TWSG1: variants seen among roughly 807,000 people sequenced by gnomAD.
The protein encoded by TWSG1 is twisted gastrulation BMP signaling modulator 1.
Under a neutral mutation model 23.0 loss-of-function variants are expected in TWSG1, and 15 were observed. That is an observed-to-expected ratio of 0.65 (90% confidence interval 0.44 to 1.00). TWSG1 has a LOEUF of 1.00. Ranked by LOEUF, TWSG1 falls within the 50% of genes least tolerant of loss-of-function variation. TWSG1 has a pLI of 0.00. For missense variants in TWSG1, 242 were observed against 278.7 expected (o/e 0.87, Z 0.94); for synonymous variants, 86 against 92.8 (o/e 0.93, Z 0.42).
chr18:9,390,475 T>A (rs1598835158), intron 3 of TWSG1, among the ~76,000 whole-genome samples: 2 of 152,154 alleles, frequency 1.3e-5, no homozygotes, highest in African/African-American at 4.8e-5. Flanking sequence ...TTCTTCTTTT[T>A]TTAAATAGAG....
intron 2 of TWSG1, among the ~76,000 whole-genome samples, chr18:9,358,432 C>T (rs540284268): frequency 6.2e-4 from 94 of 152,118 alleles, no homozygotes; most frequent in African/African-American, 2.2e-3. Flanking sequence ...TATTTGTAGC[C>T]AGAGAGAAGA....
chr18:9,384,424 T>C (rs1472527584), intron 3 of TWSG1, among the ~76,000 whole-genome samples: 1 of 152,200 alleles, frequency 6.6e-6, no homozygotes, highest in East Asian at 1.9e-4. Context: ...CAGGTAATGG[T>C]TGATCACATT....
chr18:9,353,111 C>T (rs916210559), intron 2 of TWSG1, among the ~76,000 whole-genome samples: 2 of 152,068 alleles, frequency 1.3e-5, no homozygotes, highest in Non-Finnish European at 2.9e-5. Context: ...AGGTTTGTAG[C>T]CTAGGAACAA....
At chr18:9,354,802 GTTCT>G (rs1423755770) in intron 2 of TWSG1, among the ~76,000 whole-genome samples, 5 of 152,026 alleles carry the variant, frequency 3.3e-5, no homozygotes, top group Non-Finnish European at 7.4e-5. Flanking sequence ...GGAATTTAGG[GTTCT>G]TTCTTTCTAC....
intron 1 of TWSG1, among the ~76,000 whole-genome samples, chr18:9,335,898 A>G (rs2040420712): frequency 6.6e-6 from 1 of 152,206 alleles, no homozygotes; most frequent in African/African-American, 2.4e-5. Flanking sequence ...TTACGTCAGT[A>G]GTCATTTATT....
intron 3 of TWSG1, among the ~76,000 whole-genome samples, chr18:9,377,006 C>T (rs1321329747): frequency 6.6e-6 from 1 of 151,814 alleles, no homozygotes; most frequent in Admixed American, 6.6e-5. Flanking sequence ...GAGATTATTT[C>T]AAGTATTCAC....
At chr18:9,357,495 A>G (rs186781549) in intron 2 of TWSG1, among the ~76,000 whole-genome samples, 28 of 152,312 alleles carry the variant, frequency 1.8e-4, no homozygotes. Context: ...GTAGAAATAT[A>G]ATAAGATGAA....
intron 3 of TWSG1, among the ~76,000 whole-genome samples, chr18:9,388,626 T>A (rs1507610): frequency 0.99 from 150,753 of 152,384 alleles, 74,606 homozygotes; most frequent in Middle Eastern, 1. Flanking sequence ...TGAGATTTAA[T>A]TTATGAATGT....
intron 3 of TWSG1, among the ~76,000 whole-genome samples, chr18:9,379,441 T>G (rs1335340715): frequency 6.6e-6 from 1 of 152,142 alleles, no homozygotes; most frequent in African/African-American, 2.4e-5. Flanking sequence ...AAGACCGTTA[T>G]GTTCTCATTG....
At chr18:9,365,950 G>A (rs1568035220) in intron 3 of TWSG1, among the ~76,000 whole-genome samples, 1 of 152,210 alleles carries the variant, frequency 6.6e-6, no homozygotes, top group Non-Finnish European at 1.5e-5. Flanking sequence ...CGGCTGTAGT[G>A]AGCTATAATT....
intron 2 of TWSG1, among the ~76,000 whole-genome samples, chr18:9,342,762 CT>C (rs986331714): frequency 6.6e-6 from 1 of 152,086 alleles, no homozygotes; most frequent in Non-Finnish European, 1.5e-5. Flanking sequence ...GATTTCGTAT[CT>C]TGTTGTTTTT....
intron 3 of TWSG1, among the ~76,000 whole-genome samples, chr18:9,363,369 T>G (rs1404177507): frequency 6.6e-6 from 1 of 152,040 alleles, no homozygotes; most frequent in Non-Finnish European, 1.5e-5. Context: ...TGCACAAAAA[T>G]AGAGAGTACA....
chr18:9,335,595 A>G (rs932123570), intron 1 of TWSG1, among the ~76,000 whole-genome samples: 1 of 152,216 alleles, frequency 6.6e-6, no homozygotes, highest in Non-Finnish European at 1.5e-5. Flanking sequence ...GTTAGTCTCC[A>G]AATAACCTTA....
intron 4 of TWSG1, chr18:9,397,006 C>T (rs62087494): frequency 0.12 from 18,803 of 158,858 alleles, 1,300 homozygotes; most frequent in Middle Eastern, 0.26. Context: ...TGCTGTGAAC[C>T]GAGATCACAC....
intron 3 of TWSG1, among the ~76,000 whole-genome samples, chr18:9,363,598 A>G (rs2040563132): frequency 6.6e-6 from 1 of 152,178 alleles, no homozygotes; most frequent in Non-Finnish European, 1.5e-5. Context: ...TACTATGCCT[A>G]ATGTAATTAA....
intron 3 of TWSG1, among the ~76,000 whole-genome samples, chr18:9,378,053 A>G (rs1568037513): frequency 6.6e-6 from 1 of 152,276 alleles, no homozygotes. Context: ...TACATGAAAG[A>G]AAGAACTGAT....
At chr18:9,393,409 G>T in intron 3 of TWSG1, among the ~76,000 whole-genome samples, 1 of 152,172 alleles carries the variant, frequency 6.6e-6, no homozygotes, top group Non-Finnish European at 1.5e-5. Flanking sequence ...TGATCCACTT[G>T]GTGTCAGCTG....
chr18:9,375,080 T>G (rs1278638401), intron 3 of TWSG1, among the ~76,000 whole-genome samples: 1 of 146,652 alleles, frequency 6.8e-6, no homozygotes, highest in Non-Finnish European at 1.5e-5. Flanking sequence ...GGCAGGAGAA[T>G]GGTGTGAACC....
At chr18:9,375,052 A>G (rs897107582) in intron 3 of TWSG1, among the ~76,000 whole-genome samples, 3 of 151,764 alleles carry the variant, frequency 2.0e-5, no homozygotes, top group African/African-American at 7.3e-5. Context: ...CTGTAGTCTC[A>G]GTTACTCAGG....
Sources: allele counts gnomAD v4.1 joint callset (sites outside exome capture counted in the v4.1 genomes callset), GRCh38; gene constraint gnomAD v4.1.1; transcripts MANE v1.5; gene names NCBI Gene and HGNC (gene_info 2026-07-23, HGNC 2026-07-21).